Variants in PLCB1 observed in about 807,000 individuals in gnomAD.
The protein encoded by PLCB1 is 1-phosphatidylinositol 4,5-bisphosphate phosphodiesterase beta-1.
PLCB1 carries 46 observed loss-of-function variants against 161.8 expected under a neutral mutation model. That is an observed-to-expected ratio of 0.28 (90% CI 0.22 to 0.36). The LOEUF (loss-of-function observed/expected upper bound fraction) is 0.36. Ranked by LOEUF, PLCB1 falls within the 10% of genes least tolerant of loss-of-function variation. PLCB1 has a pLI of 1.00. For missense variants in PLCB1, 1,016 were observed against 1,472.5 expected, an observed-to-expected ratio of 0.69 and a Z score of 5.07; for synonymous variants, 517 against 503.7, an observed-to-expected ratio of 1.03 and a Z score of -0.35.
At chr20:8,259,314 G>A (rs181703436) in intron 2 of PLCB1, among the ~76,000 whole-genome samples, 187 of 152,198 alleles carry the variant, frequency 1.2e-3, no homozygotes, top group African/African-American at 4.3e-3. Context: ...GAATCCAAAG[G>A]TGTTACTCTA....
intron 2 of PLCB1, among the ~76,000 whole-genome samples, chr20:8,370,042 A>G (rs1030096548): frequency 4.6e-5 from 7 of 152,078 alleles, no homozygotes; most frequent in African/African-American, 7.2e-5. Context: ...AGTTACAGCC[A>G]CTCCTATCCA....
chr20:8,190,556 G>C (rs2051957911), intron 2 of PLCB1, among the ~76,000 whole-genome samples: 1 of 152,088 alleles, frequency 6.6e-6, no homozygotes, highest in Non-Finnish European at 1.5e-5. Flanking sequence ...TATCTTGATG[G>C]TCAGGCCTCC....
chr20:8,537,234 A>G (rs1055065060), intron 3 of PLCB1, among the ~76,000 whole-genome samples: 1 of 152,186 alleles, frequency 6.6e-6, no homozygotes, highest in Non-Finnish European at 1.5e-5. Context: ...GGTCATGTGG[A>G]CATCTTGGAG....
At chr20:8,839,083 C>T (rs1986399680) in intron 31 of PLCB1, among the ~76,000 whole-genome samples, 1 of 152,132 alleles carries the variant, frequency 6.6e-6, no homozygotes, top group South Asian at 2.1e-4. Context: ...TGACATTATG[C>T]TGATTGGACC....
rs1438881742 is a variant in PLCB1, at chr20:8,511,454, GCCT to G, written c.247-116839_247-116837del. On this transcript the variant is annotated intron_variant, in intron 3 of 31. Transcript: ENST00000338037. ...GACACTTAGGTTGGTTCCATATCTT[GCCT>G]GTTGTGAATAATACTTCAAGAACAT... Among the ~76,000 whole-genome samples, 3 of 152,188 alleles carry G rather than the reference GCCT, an allele frequency of 2.0e-5. No homozygotes were observed. The East Asian group carries it at 5.8e-4, about 29-fold the overall frequency.
At chr20:8,413,402 C>G (rs78516552) in intron 3 of PLCB1, among the ~76,000 whole-genome samples, 4 of 152,134 alleles carry the variant, frequency 2.6e-5, no homozygotes, top group African/African-American at 4.8e-5. Flanking sequence ...CTTAATAACA[C>G]GAACAATGAG....
At chr20:8,878,775 A>C (rs1051709242) in intron 31 of PLCB1, among the ~76,000 whole-genome samples, 12 of 149,236 alleles carry the variant, frequency 8.0e-5, no homozygotes, top group South Asian at 2.2e-4. Flanking sequence ...AATTTTTATA[A>C]ATTTTTAAAA....
At chr20:8,144,738 G>C (rs1417890734) in intron 1 of PLCB1, among the ~76,000 whole-genome samples, 1 of 152,170 alleles carries the variant, frequency 6.6e-6, no homozygotes, top group Non-Finnish European at 1.5e-5. Flanking sequence ...TTGCATAGCT[G>C]TTTTCCCCCC....
intron 31 of PLCB1, among the ~76,000 whole-genome samples, chr20:8,875,152 G>A (rs1022807045): frequency 1.1e-4 from 17 of 150,792 alleles, no homozygotes; most frequent in Non-Finnish European, 1.8e-4. Flanking sequence ...CTTTTCCTAT[G>A]AATTGCTTTA....
At chr20:8,777,167 G>A (rs952003451) in intron 27 of PLCB1, among the ~76,000 whole-genome samples, 1 of 152,202 alleles carries the variant, frequency 6.6e-6, no homozygotes, top group African/African-American at 2.4e-5. Flanking sequence ...CAGATCTTCT[G>A]GGGTCTTTAG....
chr20:8,335,840 A>G (rs1985553591), intron 2 of PLCB1, among the ~76,000 whole-genome samples: 1 of 152,230 alleles, frequency 6.6e-6, no homozygotes, highest in Non-Finnish European at 1.5e-5. Flanking sequence ...TATGACTGTT[A>G]AAATGGCATT....
At chr20:8,535,564 G>A (rs576949253) in intron 3 of PLCB1, among the ~76,000 whole-genome samples, 4 of 152,240 alleles carry the variant, frequency 2.6e-5, no homozygotes, top group African/African-American at 9.6e-5. Flanking sequence ...GGATTGATTA[G>A]GGTAGTTGCT....
At chr20:8,678,882 C>T (rs953096053) in intron 9 of PLCB1, among the ~76,000 whole-genome samples, 8 of 152,198 alleles carry the variant, frequency 5.3e-5, no homozygotes, top group South Asian at 2.1e-4. Context: ...ATCTGGCCAA[C>T]ATGAAATTAG....
intron 3 of PLCB1, among the ~76,000 whole-genome samples, chr20:8,616,102 A>G (rs1466826414): frequency 1.6e-4 from 25 of 152,114 alleles, no homozygotes; most frequent in Admixed American, 1.6e-3. Flanking sequence ...TGCCTCTTAC[A>G]TATCTCTCCA....
intron 18 of PLCB1, among the ~76,000 whole-genome samples, chr20:8,731,755 C>T (rs1980259603): frequency 6.6e-6 from 1 of 152,038 alleles, no homozygotes; most frequent in South Asian, 2.1e-4. Flanking sequence ...ATTTTTAGAA[C>T]ATATGACTTG....
chr20:8,427,447 G>A (rs1305762441), intron 3 of PLCB1, among the ~76,000 whole-genome samples: 2 of 152,170 alleles, frequency 1.3e-5, no homozygotes, highest in Admixed American at 1.3e-4. Context: ...TGAATGGAGG[G>A]TAGGGGCTTT....
intron 2 of PLCB1, among the ~76,000 whole-genome samples, chr20:8,334,129 A>C (rs942317370): frequency 2.6e-5 from 4 of 152,042 alleles, no homozygotes; most frequent in Non-Finnish European, 5.9e-5. Context: ...GAATTGCTTG[A>C]ACCCGGGAGG....
intron 3 of PLCB1, among the ~76,000 whole-genome samples, chr20:8,460,194 C>T (rs1981514160): frequency 6.6e-6 from 1 of 152,152 alleles, no homozygotes; most frequent in East Asian, 1.9e-4. Context: ...TAATTCATAG[C>T]ATTTTTCTAG....
intron 26 of PLCB1, among the ~76,000 whole-genome samples, chr20:8,772,148 T>C (rs1001086437): frequency 6.6e-6 from 1 of 151,396 alleles, no homozygotes; most frequent in Non-Finnish European, 1.5e-5. Context: ...CCAAAAGTGC[T>C]GGAATTACAG....
Sources: allele counts gnomAD v4.1 joint callset (sites outside exome capture counted in the v4.1 genomes callset), GRCh38; gene constraint gnomAD v4.1.1; transcripts MANE v1.5; gene names NCBI Gene and HGNC (gene_info 2026-07-23, HGNC 2026-07-21).